Variants in PKHD1L1 observed in about 807,000 individuals in gnomAD.
PKHD1L1 encodes PKHD1 like 1.
Under a neutral mutation model 462.9 loss-of-function variants are expected in PKHD1L1, and 434 were observed. That is an observed-to-expected ratio of 0.94 (90% CI 0.87 to 1.02). The LOEUF (loss-of-function observed/expected upper bound fraction) is 1.02. Ranked by LOEUF, PKHD1L1 falls within the 50% of genes least tolerant of loss-of-function variation. PKHD1L1 has a pLI of 0.00. For missense variants in PKHD1L1, 5,202 were observed against 5,096.1 expected (o/e 1.02, Z -0.63); for synonymous variants, 1,781 against 1,750.0 (o/e 1.02, Z -0.44).
At chr8:109,383,946 C>A in intron 4 of PKHD1L1, 124 bp from the exon 5 acceptor site, 1 of 728,932 alleles carries the variant, frequency 1.4e-6, no homozygotes, top group Non-Finnish European at 2.4e-6. Context: ...TAAATATCTT[C>A]TTTCCTACAT....
In PKHD1L1 at chr8:109,435,360, G is replaced by C. The variant is rs2130713742; in HGVS notation, c.3505+6G>C. 1 of 1,607,994 alleles carries C rather than the reference G, an allele frequency of 6.2e-7. No homozygotes were observed. Among genetic ancestry groups the C allele is most frequent in the Non-Finnish European group, 8.5e-7 (1 of 1,175,812 alleles). Reference sequence around the variant, plus strand: ...TGATTCTGGAAGCATAGCAGGTAATGGTTAATAGTTTAAACAGAGAGAAAA... The same window carrying C: ...TGATTCTGGAAGCATAGCAGGTAATCGTTAATAGTTTAAACAGAGAGAAAA... On this transcript the variant is annotated splice_donor_region_variant and intron_variant, in intron 29 of 77. Coordinates refer to ENST00000378402, the MANE Select transcript of PKHD1L1 (RefSeq NM_177531.6).
intron 67 of PKHD1L1, 130 bp downstream of exon 67, chr8:109,498,901 C>A: frequency 1.2e-6 from 1 of 801,610 alleles, no homozygotes. Flanking sequence ...CTCAATATGA[C>A]AAAGAAATCA....
chr8:109,451,060 G>A lies in PKHD1L1; in HGVS notation c.6261G>A (p.Val2087=). 1 of 1,613,788 alleles carries A rather than the reference G, an allele frequency of 6.2e-7. No individual in the cohort carries two copies. Among genetic ancestry groups the A allele is most frequent in the South Asian group, 1.1e-5 (1 of 91,044 alleles). The change falls in exon 41 of 78, where the codon GTG becomes GTA. Residue 2087 remains valine, a synonymous_variant. Coordinates refer to ENST00000378402, the MANE Select transcript of PKHD1L1 (RefSeq NM_177531.6). ...CCATGACTCCGTTTACGTACGCAGT[G>A]TCACTGACTCCACTCATCACTGCAG... ...SQSMTPFTYA[V]SLTPLITAVS...
chr8:109,399,007 T>C lies in PKHD1L1; in HGVS notation c.1012+459T>C, dbSNP rs957467853. Among the ~76,000 whole-genome samples the C allele has an allele frequency of 3.3e-5, 5 of 152,156 alleles. No individual in the cohort carries two copies. The South Asian group carries it at 8.3e-4, about 25-fold the overall frequency. On this transcript the variant is annotated intron_variant, in intron 12 of 77. Transcript: ENST00000378402. ...CTAAATTCTTTTCAGACTTACACCT[T>C]GTGGCTCAGTGAAATTGCTTTCCTA...
At chr8:109,473,461 A>G (rs1817827563) in intron 50 of PKHD1L1, among the ~76,000 whole-genome samples, 1 of 151,880 alleles carries the variant, frequency 6.6e-6, no homozygotes, top group African/African-American at 2.4e-5. Flanking sequence ...GTTTGCAGTG[A>G]GCCGAGATCA....
rs776175780 is a variant in PKHD1L1 at position 109,445,062 on chromosome 8, G to A, written c.5193G>A (p.Val1731=). The change falls in exon 38 of 78, where the codon GTG becomes GTA. Residue 1731 remains valine, a synonymous_variant. Coordinates refer to ENST00000378402, the MANE Select transcript of PKHD1L1 (RefSeq NM_177531.6). The part of the protein sequence containing the change: ...LVDVDLLIHG[V]PAQCQGNCTF... ...ATGTAGATCTTCTAATACATGGAGT[G>A]CCTGCCCAGTGCCAGGGAAACTGCA... 2 of 1,613,810 alleles carry A rather than the reference G, an allele frequency of 1.2e-6. No homozygotes were observed. The highest frequency in any genetic ancestry group is 1.7e-5 in the Admixed American group (1 of 60,008).
At position 109,531,950 on chromosome 8, in the gene PKHD1L1, C is replaced by T. The variant is rs902510310; in HGVS notation, c.*1860C>T. ...GGCAAATCTAGTTTACTGTTCATTCCGTGATACTTCCTTTCTGTTGGAAAA... is the reference window on the plus strand; with the variant it reads ...GGCAAATCTAGTTTACTGTTCATTCTGTGATACTTCCTTTCTGTTGGAAAA... On this transcript the variant is annotated 3_prime_UTR_variant, in exon 78 of 78. Transcript: ENST00000378402. Among the ~76,000 whole-genome samples, 6 of 152,158 alleles carry T rather than the reference C, an allele frequency of 3.9e-5. No homozygotes were observed. Among genetic ancestry groups the T allele is most frequent in the African/African-American group, 1.2e-4 (5 of 41,432 alleles).
rs200294629 is a variant in PKHD1L1 at position 109,522,192 on chromosome 8, T to C, written c.12038T>C (p.Met4013Thr). ...ATAATACTTTTCCCCATAGGTCAGA[T>C]GCAGTTATCTGAACTCCAGGAAATT... ...QFISNGTTGQMQLSELQEIAG... is the reference protein window; with the variant it reads ...QFISNGTTGQTQLSELQEIAG... The change falls in exon 74 of 78, where the codon ATG becomes ACG. Residue 4013 changes from methionine (M) to threonine (T), a missense_variant. Coordinates refer to ENST00000378402, the MANE Select transcript of PKHD1L1 (RefSeq NM_177531.6). 1.6e-5 allele frequency: 25 copies of C among 1,599,512 alleles called. No homozygotes were observed. In the South Asian group the frequency reaches 2.4e-4, roughly 16 times the overall value.
chr8:109,509,325 C>T (rs901431236), intron 70 of PKHD1L1, among the ~76,000 whole-genome samples: 1 of 151,832 alleles, frequency 6.6e-6, no homozygotes, highest in Admixed American at 6.6e-5. Context: ...AGATCTTTCC[C>T]AATAGCTCTG....
At position 109,523,904 on chromosome 8, in the gene PKHD1L1, T is replaced by C. The variant is rs1167010940; in HGVS notation, c.12484+518T>C. ...TAATATTCTCTGAGAACAGAACAAATGTCTCCTGTGATTTTTCAGAAAGTG... is the reference window on the plus strand; with the variant it reads ...TAATATTCTCTGAGAACAGAACAAACGTCTCCTGTGATTTTTCAGAAAGTG... On this transcript the variant is annotated intron_variant, in intron 76 of 77. Transcript: ENST00000378402. 1.3e-5 allele frequency among the ~76,000 whole-genome samples: 2 copies of C among 152,184 alleles called. 1 individual carries two copies. The highest frequency in any genetic ancestry group is 3.8e-4 in the East Asian group (2 of 5,198).
intron 46 of PKHD1L1, among the ~76,000 whole-genome samples, chr8:109,459,372 T>C (rs1169395758): frequency 6.6e-6 from 1 of 152,200 alleles, no homozygotes; most frequent in Non-Finnish European, 1.5e-5. Context: ...TAGGAACGAA[T>C]GTAGACCTTG....
At chr8:109,447,935 G>C (rs1322717813) in intron 38 of PKHD1L1, among the ~76,000 whole-genome samples, 1 of 152,050 alleles carries the variant, frequency 6.6e-6, no homozygotes, top group Non-Finnish European at 1.5e-5. Context: ...TAAACATTGA[G>C]ATAAATCACT....
intron 50 of PKHD1L1, among the ~76,000 whole-genome samples, chr8:109,474,170 C>T (rs1475569083): frequency 5.9e-5 from 9 of 152,030 alleles, no homozygotes; most frequent in Admixed American, 5.9e-4. Flanking sequence ...AATTTTTTCT[C>T]TCATGGCTTT....
In PKHD1L1 at chr8:109,396,097, C is replaced by T; in HGVS notation, c.882C>T (p.Phe294=). The T allele has an allele frequency of 1.2e-6, 2 of 1,609,128 alleles. No homozygotes were observed. Among genetic ancestry groups the T allele is most frequent in the African/African-American group, 1.3e-5 (1 of 74,896 alleles). ...GGTTLTISGR[F]FDQTDFPVRV... ...CCACGCTGACAATAAGTGGGCGTTTCTTTGATCAGACAGATTTCCCCGTCA... is the reference window on the plus strand; with the variant it reads ...CCACGCTGACAATAAGTGGGCGTTTTTTTGATCAGACAGATTTCCCCGTCA... Residue 294 remains phenylalanine, a synonymous_variant, in exon 11 of 78, where the codon TTC becomes TTT. Coordinates refer to ENST00000378402, the MANE Select transcript of PKHD1L1 (RefSeq NM_177531.6).
At chr8:109,518,744 A>G (rs1820404041) in intron 73 of PKHD1L1, among the ~76,000 whole-genome samples, 2 of 152,178 alleles carry the variant, frequency 1.3e-5, no homozygotes, top group African/African-American at 4.8e-5. Flanking sequence ...TAAGTTCAAC[A>G]AAAGAATTTG....
Position 109,408,337 on chromosome 8 carries a change from C to A in PKHD1L1, c.1971+131C>A. On this transcript the variant is annotated intron_variant, in intron 18 of 77. Transcript: ENST00000378402. Reference sequence around the variant, plus strand: ...CACTGCAAATTATTTATCACCTGATCAACTCACCACAATTTATATACTGTG... The same window carrying A: ...CACTGCAAATTATTTATCACCTGATAAACTCACCACAATTTATATACTGTG... 5 of 787,822 alleles carry A rather than the reference C, an allele frequency of 6.3e-6. No individual in the cohort carries two copies. The Admixed American group carries it at 9.4e-5, about 15-fold the overall frequency. 48.8% of individuals were successfully genotyped at this position (787,822 alleles called of 1,614,324 possible). A position where few individuals can be genotyped will look rare whatever the true frequency, so the allele number is the denominator to read the frequency against.
At chr8:109,507,279 A>G (rs1451290933) in intron 68 of PKHD1L1, among the ~76,000 whole-genome samples, 1 of 152,192 alleles carries the variant, frequency 6.6e-6, no homozygotes, top group Non-Finnish European at 1.5e-5. Context: ...CTGCCAACAC[A>G]GGAATTTTAT....
In PKHD1L1 at chr8:109,442,150, T is replaced by C. The variant is rs767151402; in HGVS notation, c.4348T>C (p.Tyr1450His). ...FSVSSPGSVIYDGKGFTSGRQ... is the reference protein window; with the variant it reads ...FSVSSPGSVIHDGKGFTSGRQ... ...TGTCTCCAGTCCTGGAAGTGTAATT[T>C]ATGATGGCAAAGGATTCACAAGTGG... The change falls in exon 35 of 78, where the codon TAT becomes CAT. Residue 1450 changes from tyrosine (Y) to histidine (H), a missense_variant. Physicochemically the swap from Tyr to His is moderately conservative, Grantham distance 83. Coordinates refer to ENST00000378402, the MANE Select transcript of PKHD1L1 (RefSeq NM_177531.6). 6.2e-7 allele frequency: 1 copy of C among 1,613,304 alleles called. No individual in the cohort carries two copies. The highest frequency in any genetic ancestry group is 1.7e-5 in the Admixed American group (1 of 59,940).
chr8:109,466,669 A>G lies in PKHD1L1; in HGVS notation c.8505A>G (p.Gly2835=). 6.2e-7 allele frequency: 1 copy of G among 1,611,806 alleles called. No individual in the cohort carries two copies. The highest frequency in any genetic ancestry group is 8.5e-7 in the Non-Finnish European group (1 of 1,178,986). ...QEAEWSIGFP[G]SVCDASVSFH... ...CTGAGTGGAGCATTGGGTTCCCTGG[A>G]TCAGTCTGTGATGCTTCAGTCAGCT... The change falls in exon 50 of 78, where the codon GGA becomes GGG. Residue 2835 remains glycine, a synonymous_variant. Coordinates refer to ENST00000378402, the MANE Select transcript of PKHD1L1 (RefSeq NM_177531.6).
Sources: allele counts gnomAD v4.1 joint callset (sites outside exome capture counted in the v4.1 genomes callset), GRCh38; gene constraint gnomAD v4.1.1; transcripts MANE v1.5; gene names NCBI Gene and HGNC (gene_info 2026-07-23, HGNC 2026-07-21).